The following CSNK1G1 variants were observed in gnomAD, a reference collection of about 807,000 sequenced individuals.
The protein encoded by CSNK1G1 is casein kinase 1 gamma 1.
CSNK1G1 carries 22 observed loss-of-function variants against 59.6 expected under a neutral mutation model. The ratio of observed to expected loss-of-function variants is 0.37; its 90% CI spans 0.26 to 0.53. The LOEUF (loss-of-function observed/expected upper bound fraction) is 0.53, where lower values mean the gene tolerates loss of function less well. CSNK1G1 is among the 20% of genes least tolerant of loss of function. CSNK1G1 has a pLI of 0.89. For synonymous variants in CSNK1G1, 179 were observed against 177.1 expected, an observed-to-expected ratio of 1.01 and a Z score of -0.08; for missense variants, 384 against 519.5, an observed-to-expected ratio of 0.74 and a Z score of 2.54.
intron 10 of CSNK1G1, among the ~76,000 whole-genome samples, chr15:64,193,440 C>T (rs1332234305): frequency 2.7e-5 from 4 of 148,758 alleles, no homozygotes; most frequent in East Asian, 2.0e-4. Flanking sequence ...TTGCATGAGC[C>T]GAGATCGCGC....
intron 4 of CSNK1G1, among the ~76,000 whole-genome samples, chr15:64,243,994 C>A (rs1891617339): frequency 6.6e-6 from 1 of 152,000 alleles, no homozygotes; most frequent in African/African-American, 2.4e-5. Context: ...CATGGTGAAA[C>A]CCCGTCTCTA....
At chr15:64,175,394 T>C (rs980543073) in intron 11 of CSNK1G1, among the ~76,000 whole-genome samples, 85 of 152,182 alleles carry the variant, frequency 5.6e-4, no homozygotes, top group African/African-American at 2.0e-3. Flanking sequence ...GTGCGGACAA[T>C]GTGGGAGAGT....
intron 1 of CSNK1G1, among the ~76,000 whole-genome samples, chr15:64,323,690 T>C (rs896867536): frequency 5.9e-5 from 9 of 152,120 alleles, no homozygotes; most frequent in Non-Finnish European, 1.2e-4. Context: ...TTAAAACATA[T>C]AAACAATTTC....
Position 64,216,505 on chromosome 15 carries a change from C to A in CSNK1G1, c.444+57G>T, listed in dbSNP as rs1180472743. 2 of 1,557,010 alleles carry A rather than the reference C, an allele frequency of 1.3e-6. No homozygotes were observed. The highest frequency in any genetic ancestry group is 2.7e-5 in the African/African-American group (2 of 73,154). On this transcript the variant is annotated intron_variant, in intron 5 of 11. Coordinates refer to ENST00000303052, the MANE Select transcript of CSNK1G1 (RefSeq NM_022048.5). This position sits in a 1 kb window ranked among gnomAD's most constrained non-coding sequence, Gnocchi z 4.6. Reference sequence around the variant, plus strand: ...GGCTAGTAAATCACCAAAAGGCCCACAAGGATGTGGCTGAGGAACCAGCTT... The same window carrying A: ...GGCTAGTAAATCACCAAAAGGCCCAAAAGGATGTGGCTGAGGAACCAGCTT...
intron 6 of CSNK1G1, among the ~76,000 whole-genome samples, chr15:64,211,038 G>A (rs2082243548): frequency 6.6e-6 from 1 of 152,156 alleles, no homozygotes; most frequent in South Asian, 2.1e-4. Context: ...GCAGATGCCA[G>A]TGCCATGCTT....
chr15:64,344,810 A>T (rs1360870078), intron 1 of CSNK1G1, among the ~76,000 whole-genome samples: 1 of 152,198 alleles, frequency 6.6e-6, no homozygotes, highest in East Asian at 1.9e-4. Flanking sequence ...CTCAGCTGTA[A>T]AATGAAAGGG....
rs2082139821 is a variant in CSNK1G1 at position 64,203,696 on chromosome 15, A to T, written c.1000-507T>A. On this transcript the variant is annotated intron_variant, in intron 9 of 11. Coordinates refer to ENST00000303052, the MANE Select transcript of CSNK1G1 (RefSeq NM_022048.5). Reference sequence around the variant, plus strand: ...TGGGCAACAAGAGTGAAACTCCGTAAAAAAAAAAAAAAAAAAAAAAAAAAT... The same window carrying T: ...TGGGCAACAAGAGTGAAACTCCGTATAAAAAAAAAAAAAAAAAAAAAAAAT... Among the ~76,000 whole-genome samples, 3 of 123,560 alleles carry T rather than the reference A, an allele frequency of 2.4e-5. 1 individual carries two copies. In the South Asian group the frequency reaches 7.9e-4, roughly 32 times the overall value. 81.1% of individuals were successfully genotyped at this position (123,560 alleles called of 152,430 possible). A position where few individuals can be genotyped will look rare whatever the true frequency, so the allele number is the denominator to read the frequency against.
In CSNK1G1 at chr15:64,168,294, A is replaced by C. The variant is rs2081625704; in HGVS notation, c.*3637T>G. On this transcript the variant is annotated 3_prime_UTR_variant, in exon 12 of 12. Transcript: ENST00000303052. ...CAGAAGAATGTTAATTAAGGCAGTC[A>C]TGAGTGCACACTGGCTGTCAGGATA... The C allele has an allele frequency of 6.6e-6, 1 of 152,668 alleles. No homozygotes were observed. Among genetic ancestry groups the C allele is most frequent in the African/African-American group, 2.4e-5 (1 of 41,454 alleles). 9.5% of individuals were successfully genotyped at this position (152,668 alleles called of 1,614,324 possible). A position where few individuals can be genotyped will look rare whatever the true frequency, so the allele number is the denominator to read the frequency against.
intron 1 of CSNK1G1, among the ~76,000 whole-genome samples, chr15:64,321,045 T>A (rs779643732): frequency 3.5e-4 from 53 of 152,164 alleles, no homozygotes; most frequent in Non-Finnish European, 6.0e-4. Flanking sequence ...GAGATATTTA[T>A]AATGCTCTCT....
chr15:64,204,825 C>T (rs2082155897), intron 8 of CSNK1G1, 40 bp downstream of exon 8: 1 of 1,398,926 alleles, frequency 7.1e-7, no homozygotes, highest in Non-Finnish European at 1.0e-6. Context: ...TACCTAGTTT[C>T]AAAGCTCAGT....
intron 1 of CSNK1G1, among the ~76,000 whole-genome samples, chr15:64,307,057 T>C (rs775971563): frequency 1.3e-5 from 2 of 152,248 alleles, no homozygotes; most frequent in East Asian, 1.9e-4. Flanking sequence ...ACCATAATGG[T>C]AGATGCATGT....
At chr15:64,195,554 G>A (rs757651968) in intron 10 of CSNK1G1, among the ~76,000 whole-genome samples, 13 of 152,228 alleles carry the variant, frequency 8.5e-5, no homozygotes, top group African/African-American at 3.1e-4. Context: ...TGTTGAACAA[G>A]CACACTGAAT....
chr15:64,270,457 T>G (rs1454112470), intron 2 of CSNK1G1, among the ~76,000 whole-genome samples: 1 of 152,090 alleles, frequency 6.6e-6, no homozygotes, highest in Non-Finnish European at 1.5e-5. Flanking sequence ...TGAATTTCCC[T>G]ATTAACACTA....
chr15:64,273,269 C>G (rs1271877832), intron 2 of CSNK1G1, among the ~76,000 whole-genome samples: 1 of 152,040 alleles, frequency 6.6e-6, no homozygotes, highest in Non-Finnish European at 1.5e-5. Flanking sequence ...ACCCCATAAG[C>G]ATGTACAATT....
intron 1 of CSNK1G1, among the ~76,000 whole-genome samples, chr15:64,339,506 A>G (rs1897578795): frequency 6.6e-6 from 1 of 151,990 alleles, no homozygotes; most frequent in Non-Finnish European, 1.5e-5. Context: ...AGAGACAGGG[A>G]TTCGCCATGT....
rs1442295835 is a variant in CSNK1G1, at chr15:64,165,753, T to C, written c.*6178A>G. The C allele has an allele frequency of 3.0e-6, 1 of 336,392 alleles. No homozygotes were observed. The highest frequency in any genetic ancestry group is 5.3e-6 in the Non-Finnish European group (1 of 187,626). 20.8% of individuals were successfully genotyped at this position (336,392 alleles called of 1,614,324 possible). On this transcript the variant is annotated 3_prime_UTR_variant, in exon 12 of 12. Coordinates refer to ENST00000303052, the MANE Select transcript of CSNK1G1 (RefSeq NM_022048.5). Reference sequence around the variant, plus strand: ...AGAAGTAGCCAAGAAAGGTAAGACATTTTATTTTACATACAAAAAGGGTGC... The same window carrying C: ...AGAAGTAGCCAAGAAAGGTAAGACACTTTATTTTACATACAAAAAGGGTGC...
intron 1 of CSNK1G1, among the ~76,000 whole-genome samples, chr15:64,316,535 C>CAAAA (rs66620488): frequency 4.3e-5 from 4 of 94,088 alleles, no homozygotes; most frequent in African/African-American, 1.1e-4. Context: ...GACTCTGTCT[C>CAAAA]AAAAAAAAAA....
At chr15:64,326,411 A>G (rs1896837478) in intron 1 of CSNK1G1, among the ~76,000 whole-genome samples, 1 of 152,090 alleles carries the variant, frequency 6.6e-6, no homozygotes. Context: ...TGAGAGGCCG[A>G]GGTGCGCAGA....
At chr15:64,174,793 G>A (rs755934574) in intron 11 of CSNK1G1, among the ~76,000 whole-genome samples, 3 of 152,038 alleles carry the variant, frequency 2.0e-5, no homozygotes, top group Non-Finnish European at 4.4e-5. Context: ...TGCCATATGT[G>A]TACATTCTTC....
Sources: gnomAD v4.1 joint callset for allele counts (sites outside exome capture counted in the v4.1 genomes callset) on GRCh38, gnomAD v4.1.1 for gene constraint, Gnocchi (gnomAD v3.1) non-coding constraint, MANE v1.5 for transcripts, NCBI Gene and HGNC (gene_info 2026-07-23, HGNC 2026-07-21) for gene names.